Variants in NTM observed in about 807,000 individuals in gnomAD.
NTM encodes IgLON family member 2.
In NTM, 13 loss-of-function variants were observed where a neutral mutation model predicts 42.1. That is an observed-to-expected ratio of 0.31 (90% confidence interval 0.20 to 0.49). The LOEUF (loss-of-function observed/expected upper bound fraction) is 0.49. NTM is among the 20% of genes least tolerant of loss of function. The pLI, the probability that NTM is intolerant of heterozygous loss-of-function variation, is 0.99. For synonymous variants in NTM, 187 were observed against 179.2 expected, an observed-to-expected ratio of 1.04 and a Z score of -0.35; for missense variants, 373 against 452.8, an observed-to-expected ratio of 0.82 and a Z score of 1.60.
intron 1 of NTM, among the ~76,000 whole-genome samples, chr11:131,704,683 T>G (rs1565448098): frequency 6.6e-6 from 1 of 151,996 alleles, no homozygotes; most frequent in Non-Finnish European, 1.5e-5. Context: ...AAAATAATAA[T>G]CTTAAAGAAG....
chr11:132,163,048 A>T (rs2074659152), intron 3 of NTM, among the ~76,000 whole-genome samples: 1 of 152,150 alleles, frequency 6.6e-6, no homozygotes, highest in Non-Finnish European at 1.5e-5. Flanking sequence ...CAATTACTAG[A>T]AGTGTGATGG....
intron 4 of NTM, among the ~76,000 whole-genome samples, chr11:132,260,789 G>A (rs897084494): frequency 1.3e-5 from 2 of 152,144 alleles, no homozygotes; most frequent in Non-Finnish European, 2.9e-5. Flanking sequence ...TGAATTATCC[G>A]GTGTTGGCAG....
At chr11:131,888,206 C>A (rs992861716) in intron 1 of NTM, among the ~76,000 whole-genome samples, 1 of 152,096 alleles carries the variant, frequency 6.6e-6, no homozygotes, top group Non-Finnish European at 1.5e-5. Context: ...GAGGCTGAGG[C>A]AGGAGAATCG....
chr11:131,758,968 G>T (rs922072449), intron 1 of NTM, among the ~76,000 whole-genome samples: 1 of 152,134 alleles, frequency 6.6e-6, no homozygotes, highest in African/African-American at 2.4e-5. Context: ...ACATGAGTGG[G>T]TCACCCATTT....
intron 1 of NTM, among the ~76,000 whole-genome samples, chr11:131,834,875 G>A (rs558850203): frequency 2.6e-5 from 4 of 152,124 alleles, no homozygotes; most frequent in South Asian, 2.1e-4. Context: ...CTTCTTTAAT[G>A]TCTAACAAGT....
chr11:132,122,104 T>A (rs1227896912), intron 2 of NTM, among the ~76,000 whole-genome samples: 1 of 152,204 alleles, frequency 6.6e-6, no homozygotes, highest in Non-Finnish European at 1.5e-5. Context: ...ATTGCGTGTT[T>A]AGGAAAGCTG....
At chr11:131,747,960 G>T (rs961121539) in intron 1 of NTM, among the ~76,000 whole-genome samples, 5 of 152,026 alleles carry the variant, frequency 3.3e-5, no homozygotes, top group African/African-American at 1.2e-4. Context: ...CACTGTACTC[G>T]CCGGGCACCA....
At chr11:131,636,945 G>C (rs537891084) in intron 1 of NTM, among the ~76,000 whole-genome samples, 2 of 152,094 alleles carry the variant, frequency 1.3e-5, no homozygotes, top group Admixed American at 1.3e-4. Flanking sequence ...GGTGGCTTCC[G>C]CTCAGGAATG....
intron 7 of NTM, among the ~76,000 whole-genome samples, chr11:132,323,677 G>A (rs1388254744): frequency 6.6e-6 from 1 of 152,140 alleles, no homozygotes; most frequent in Non-Finnish European, 1.5e-5. Flanking sequence ...CTCATTTTAT[G>A]AGTCCAGCAT....
At chr11:131,860,037 G>A (rs1240329740) in intron 1 of NTM, among the ~76,000 whole-genome samples, 1 of 152,156 alleles carries the variant, frequency 6.6e-6, no homozygotes, top group Admixed American at 6.5e-5. Context: ...AGTCTGCTGA[G>A]TGCAGAGAGC....
chr11:132,103,577 G>T (rs1304539524), intron 2 of NTM, among the ~76,000 whole-genome samples: 2 of 152,144 alleles, frequency 1.3e-5, no homozygotes, highest in South Asian at 2.1e-4. Flanking sequence ...GTTACATATG[G>T]CTGGGGCAGG....
intron 1 of NTM, among the ~76,000 whole-genome samples, chr11:131,492,195 A>G (rs1004327383): frequency 6.6e-6 from 1 of 152,220 alleles, no homozygotes; most frequent in African/African-American, 2.4e-5. Flanking sequence ...TACATACAGC[A>G]TCTCACTTAC....
At chr11:131,830,701 T>A (rs757207342) in intron 1 of NTM, among the ~76,000 whole-genome samples, 26 of 152,350 alleles carry the variant, frequency 1.7e-4, no homozygotes, top group Non-Finnish European at 2.8e-4. Flanking sequence ...TCTCATTCTG[T>A]GAAAAATGAC....
intron 1 of NTM, among the ~76,000 whole-genome samples, chr11:131,728,209 G>A (rs550155870): frequency 4.6e-5 from 7 of 152,316 alleles, no homozygotes; most frequent in South Asian, 2.1e-4. Flanking sequence ...GATAGAGTCA[G>A]ATCCTACCTG....
chr11:132,266,230 C>G (rs934704167), intron 4 of NTM, among the ~76,000 whole-genome samples: 1 of 152,146 alleles, frequency 6.6e-6, no homozygotes, highest in Non-Finnish European at 1.5e-5. Flanking sequence ...AAGCCTACAG[C>G]AAGGGGCATT....
chr11:131,512,705 C>A (rs990753038), intron 1 of NTM, among the ~76,000 whole-genome samples: 1 of 152,186 alleles, frequency 6.6e-6, no homozygotes, highest in Admixed American at 6.5e-5. Flanking sequence ...CTCCCAGCCC[C>A]AGCATGTGCT....
intron 1 of NTM, among the ~76,000 whole-genome samples, chr11:131,762,064 A>C (rs1042247336): frequency 2.0e-5 from 3 of 152,148 alleles, no homozygotes; most frequent in Admixed American, 6.5e-5. Flanking sequence ...TTTGTTGTTG[A>C]AGCCAACCTG....
At chr11:132,032,832 T>A (rs1452743319) in intron 2 of NTM, among the ~76,000 whole-genome samples, 1 of 152,220 alleles carries the variant, frequency 6.6e-6, no homozygotes, top group Non-Finnish European at 1.5e-5. Context: ...CATCTCATCA[T>A]ATTATGTTGA....
chr11:132,046,408 T>C (rs2078000672), intron 2 of NTM, among the ~76,000 whole-genome samples: 1 of 152,012 alleles, frequency 6.6e-6, no homozygotes, highest in Non-Finnish European at 1.5e-5. Flanking sequence ...CCCACCCCTT[T>C]ACATAACAAC....
Sources: gnomAD v4.1 joint callset for allele counts (sites outside exome capture counted in the v4.1 genomes callset) on GRCh38, gnomAD v4.1.1 for gene constraint, MANE v1.5 for transcripts, NCBI Gene and HGNC (gene_info 2026-07-23, HGNC 2026-07-21) for gene names.